Variants in ALK observed in about 807,000 individuals in gnomAD.
The protein encoded by ALK is ALK receptor tyrosine kinase, also known as ALK tyrosine kinase receptor.
ALK carries 74 observed loss-of-function variants against 163.1 expected under a neutral mutation model. The observed-to-expected ratio is 0.45, with a 90% confidence interval of 0.38 to 0.55. ALK has a LOEUF of 0.55. Ranked by LOEUF, ALK falls within the 20% of genes least tolerant of loss-of-function variation. The pLI is 0.00. For synonymous variants in ALK, 960 were observed against 843.2 expected, an observed-to-expected ratio of 1.14 and a Z score of -2.40; for missense variants, 2,063 against 2,105.3, an observed-to-expected ratio of 0.98 and a Z score of 0.39.
At chr2:29,533,826 A>G (rs1673181237) in intron 3 of ALK, among the ~76,000 whole-genome samples, 1 of 152,214 alleles carries the variant, frequency 6.6e-6, no homozygotes, top group Non-Finnish European at 1.5e-5. Context: ...AATAGAGGTC[A>G]TAAAGTCAGA....
At chr2:29,747,610 T>C (rs1447898861) in intron 1 of ALK, among the ~76,000 whole-genome samples, 1 of 152,206 alleles carries the variant, frequency 6.6e-6, no homozygotes, top group African/African-American at 2.4e-5. Flanking sequence ...GCACAGGACC[T>C]AGCACAGAGT....
At chr2:29,232,860 C>T (rs948392006) in intron 14 of ALK, among the ~76,000 whole-genome samples, 3 of 152,126 alleles carry the variant, frequency 2.0e-5, no homozygotes, top group African/African-American at 4.8e-5. Context: ...CTCTGACCCC[C>T]AAAGATTCAA....
intron 4 of ALK, among the ~76,000 whole-genome samples, chr2:29,508,105 C>T (rs1006514794): frequency 1.1e-4 from 17 of 152,144 alleles, no homozygotes; most frequent in Admixed American, 6.5e-4. Context: ...TGAGAAACTG[C>T]CACCCTACAG....
chr2:29,734,420 C>T (rs987350453), intron 1 of ALK, among the ~76,000 whole-genome samples: 2 of 152,064 alleles, frequency 1.3e-5, no homozygotes, highest in Non-Finnish European at 2.9e-5. Context: ...TTGGAGAAAA[C>T]TCTAAAATAG....
chr2:29,508,189 T>A (rs1413806182), intron 4 of ALK, among the ~76,000 whole-genome samples: 1 of 152,138 alleles, frequency 6.6e-6, no homozygotes. Context: ...AAAGTACACG[T>A]GGACCCTCTG....
At chr2:29,817,183 C>T (rs1396168943) in intron 1 of ALK, among the ~76,000 whole-genome samples, 1 of 137,336 alleles carries the variant, frequency 7.3e-6, no homozygotes, top group Non-Finnish European at 1.6e-5. Flanking sequence ...GGTTTACATA[C>T]AAGAGGAGGT....
intron 3 of ALK, among the ~76,000 whole-genome samples, chr2:29,562,838 A>G (rs770328352): frequency 3.3e-5 from 5 of 152,246 alleles, no homozygotes; most frequent in African/African-American, 4.8e-5. Flanking sequence ...GGATGCTGGC[A>G]AAATGACAAT....
chr2:29,242,595 G>A (rs1664552339), intron 12 of ALK, among the ~76,000 whole-genome samples: 1 of 152,128 alleles, frequency 6.6e-6, no homozygotes, highest in Non-Finnish European at 1.5e-5. Flanking sequence ...GGGGTGGGAT[G>A]GAAAAAGCCC....
intron 1 of ALK, among the ~76,000 whole-genome samples, chr2:29,762,508 C>T (rs1008566894): frequency 3.3e-5 from 5 of 152,152 alleles, no homozygotes; most frequent in African/African-American, 1.2e-4. Flanking sequence ...GCCCTTGGTC[C>T]ATCTGACAAG....
chr2:29,548,353 A>C (rs1166997481), intron 3 of ALK, among the ~76,000 whole-genome samples: 2 of 151,968 alleles, frequency 1.3e-5, no homozygotes, highest in African/African-American at 4.8e-5. Flanking sequence ...TGCACCTGTA[A>C]TCCCAGCTAC....
chr2:29,203,800 T>A (rs1045561102), intron 26 of ALK, among the ~76,000 whole-genome samples: 3 of 151,846 alleles, frequency 2.0e-5, no homozygotes, highest in African/African-American at 4.8e-5. Context: ...ATGCCCTTTT[T>A]CCCCATGGTG....
intron 3 of ALK, among the ~76,000 whole-genome samples, chr2:29,589,918 C>T (rs542200159): frequency 6.6e-6 from 1 of 152,334 alleles, no homozygotes; most frequent in Admixed American, 6.5e-5. Flanking sequence ...GTGAAGTCCC[C>T]TCTAGCACGC....
chr2:29,286,774 T>G (rs1000750423), intron 9 of ALK: 10 of 152,154 alleles, frequency 6.6e-5, no homozygotes, highest in African/African-American at 2.4e-4. Context: ...AACCTGGAAT[T>G]GATTTCAGCC....
intron 1 of ALK, among the ~76,000 whole-genome samples, chr2:29,888,891 G>A (rs960439222): frequency 2.0e-5 from 3 of 152,104 alleles, no homozygotes; most frequent in Non-Finnish European, 4.4e-5. Flanking sequence ...TGGGGAACTC[G>A]CTGTTGGTGT....
At chr2:29,720,776 G>A (rs1397006235) in intron 1 of ALK, among the ~76,000 whole-genome samples, 1 of 152,162 alleles carries the variant, frequency 6.6e-6, no homozygotes, top group Non-Finnish European at 1.5e-5. Flanking sequence ...CCACTGCAGG[G>A]AAGGATTTTC....
intron 3 of ALK, among the ~76,000 whole-genome samples, chr2:29,691,905 C>T (rs528481981): frequency 6.6e-6 from 1 of 152,206 alleles, no homozygotes; most frequent in East Asian, 1.9e-4. Flanking sequence ...TCCACTTGTC[C>T]CTGTCTCTTG....
At chr2:29,348,767 C>A (rs928579546) in intron 5 of ALK, among the ~76,000 whole-genome samples, 4 of 152,190 alleles carry the variant, frequency 2.6e-5, no homozygotes, top group African/African-American at 9.7e-5. Flanking sequence ...GAACTGAAGG[C>A]AGCTCACATT....
At chr2:29,489,933 T>C (rs13414055) in intron 4 of ALK, among the ~76,000 whole-genome samples, 11,926 of 152,170 alleles carry the variant, frequency 0.078, 1,027 homozygotes, top group African/African-American at 0.22. Context: ...AGGTGGAAAA[T>C]CTTTAGGTAT....
chr2:29,223,275 G>A (rs1368205612), intron 20 of ALK, 67 bp downstream of exon 20: 1 of 1,567,426 alleles, frequency 6.4e-7, no homozygotes, highest in East Asian at 2.3e-5. Context: ...GGAGTCTGCG[G>A]TGCTGTGATA....
Sources: allele counts gnomAD v4.1 joint callset (sites outside exome capture counted in the v4.1 genomes callset), GRCh38; gene constraint gnomAD v4.1.1; transcripts MANE v1.5; gene names NCBI Gene and HGNC (gene_info 2026-07-23, HGNC 2026-07-21).